Variants in NRXN1 observed in about 807,000 individuals in gnomAD.
NRXN1 encodes the protein neurexin 1.
Under a neutral mutation model 150.9 loss-of-function variants are expected in NRXN1, and 39 were observed. The observed-to-expected ratio is 0.26, with a 90% CI of 0.20 to 0.34. NRXN1 has a LOEUF of 0.34. NRXN1 is among the 10% of genes least tolerant of loss of function. The probability of loss-of-function intolerance (pLI) is 1.00; values close to 1 mark genes in which losing one functional copy is unlikely to be tolerated. For missense variants in NRXN1, 1,815 were observed against 1,949.9 expected (o/e 0.93, Z 1.30); for synonymous variants, 924 against 757.0 (o/e 1.22, Z -3.62).
Position 50,606,572 on chromosome 2 carries a change from G to T in NRXN1, c.1320+13450C>A, listed in dbSNP as rs187791238. On this transcript the variant is annotated intron_variant, in intron 8 of 22. Transcript: ENST00000401669. The stretch of plus-strand genomic sequence containing the variant: ...TACTATATTGCACATTTACATATTT[G>T]CTAAGTGGGTAGATCCTATGTGAGC... Among the ~76,000 whole-genome samples, 10 of 150,294 alleles carry T rather than the reference G, an allele frequency of 6.7e-5. 1 individual carries two copies. The highest frequency in any genetic ancestry group is 4.7e-4 in the Admixed American group (7 of 15,022).
rs2075601218 is a variant in NRXN1 at position 50,316,310 on chromosome 2, G to A, written c.3365-79340C>T. 2.0e-5 allele frequency among the ~76,000 whole-genome samples: 3 copies of A among 151,958 alleles called. No homozygotes were observed. The South Asian group carries it at 6.2e-4, about 31-fold the overall frequency. ...GTCTATCACCTCTCCCTCCACTGAG[G>A]ACTCTACCTGGTGACTTGTATTGGG... On this transcript the variant is annotated intron_variant, in intron 17 of 22. Coordinates refer to ENST00000401669, the MANE Select transcript of NRXN1 (RefSeq NM_001330078.2).
At chr2:50,800,706 C>T (rs555954949) in intron 5 of NRXN1, among the ~76,000 whole-genome samples, 47 of 152,188 alleles carry the variant, frequency 3.1e-4, no homozygotes, top group African/African-American at 1.0e-3. Context: ...TGCACCACCA[C>T]GCCTAGCTAA....
chr2:50,633,133 T>C (rs569571679), intron 5 of NRXN1: 2 of 152,262 alleles, frequency 1.3e-5, no homozygotes, highest in Admixed American at 6.5e-5. Flanking sequence ...TCTTTGTTCA[T>C]ACACTGCTGC....
At chr2:50,762,525 C>T (rs776658110) in intron 5 of NRXN1, among the ~76,000 whole-genome samples, 8 of 151,706 alleles carry the variant, frequency 5.3e-5, no homozygotes, top group African/African-American at 1.2e-4. Flanking sequence ...CTGTGTCTAC[C>T]GTTGTCATCT....
At chr2:50,088,462 C>T (rs1699099849) in intron 19 of NRXN1, among the ~76,000 whole-genome samples, 1 of 152,100 alleles carries the variant, frequency 6.6e-6, no homozygotes, top group South Asian at 2.1e-4. Flanking sequence ...TGAGGGCCGA[C>T]TCTGTGTTTT....
Position 50,521,531 on chromosome 2 carries a change from G to T in NRXN1, c.2374+7094C>A, listed in dbSNP as rs145602097. Among the ~76,000 whole-genome samples the T allele has an allele frequency of 2.0e-3, 311 of 152,134 alleles. 1 individual carries two copies. The highest frequency in any genetic ancestry group is 7.1e-3 in the African/African-American group (296 of 41,508). ...ATCCATCTTGCTTTTTGCTCACATT[G>T]TTAATAAGTAAAAGAAGTGGATAAG... is the stretch of plus-strand genomic sequence containing the variant. On this transcript the variant is annotated intron_variant, in intron 12 of 22. Transcript: ENST00000401669.
chr2:50,494,554 C>G (rs1052690364), intron 15 of NRXN1, among the ~76,000 whole-genome samples: 1 of 152,032 alleles, frequency 6.6e-6, no homozygotes, highest in Non-Finnish European at 1.5e-5. Context: ...TTTGTGGGTA[C>G]AAATAAGATC....
intron 17 of NRXN1, among the ~76,000 whole-genome samples, chr2:50,296,881 C>CTTTTTTTT (rs4032054): frequency 5.3e-5 from 6 of 112,944 alleles, no homozygotes; most frequent in Non-Finnish European, 9.3e-5. Context: ...TTCTTTCTTT[C>CTTTTTTTT]TTTTTTTTTT....
intron 5 of NRXN1, among the ~76,000 whole-genome samples, chr2:50,655,489 G>C (rs1204570024): frequency 6.6e-6 from 1 of 151,954 alleles, no homozygotes; most frequent in Non-Finnish European, 1.5e-5. Flanking sequence ...TGACAAGGTT[G>C]CTGTGCTTGT....
intron 17 of NRXN1, among the ~76,000 whole-genome samples, chr2:50,459,760 G>C (rs1254992104): frequency 6.6e-6 from 1 of 152,074 alleles, no homozygotes; most frequent in Non-Finnish European, 1.5e-5. Context: ...GCAAGGTTCT[G>C]ATAATTCACT....
rs564477746 is a variant in NRXN1 at position 50,487,026 on chromosome 2, CATT to C, written c.3070+8876_3070+8878del. On this transcript the variant is annotated intron_variant, in intron 15 of 22. Transcript: ENST00000401669. ...AATAATTTCTATTTAGTATTACTAT[CATT>C]ATTGTTCTGGTGAGATGCTTAACCT... 1.6e-4 allele frequency among the ~76,000 whole-genome samples: 25 copies of C among 152,266 alleles called. 2 individuals are homozygous for C. In the South Asian group the frequency reaches 5.2e-3, roughly 32 times the overall value.
intron 2 of NRXN1, among the ~76,000 whole-genome samples, chr2:50,970,686 T>C (rs1271198494): frequency 6.6e-6 from 1 of 152,100 alleles, no homozygotes; most frequent in Non-Finnish European, 1.5e-5. Flanking sequence ...TCTTTAAAGT[T>C]CACTACTCTT....
At chr2:50,516,702 C>A (rs1191482134) in intron 12 of NRXN1, among the ~76,000 whole-genome samples, 1 of 152,216 alleles carries the variant, frequency 6.6e-6, no homozygotes, top group South Asian at 2.1e-4. Flanking sequence ...CTCAATTTAG[C>A]CAAGGATATA....
chr2:50,926,613 G>A (rs1280163797), intron 2 of NRXN1, among the ~76,000 whole-genome samples: 2 of 151,864 alleles, frequency 1.3e-5, no homozygotes, highest in African/African-American at 2.4e-5. Flanking sequence ...TGTTAGGTAG[G>A]AAAGTGATCA....
intron 22 of NRXN1, among the ~76,000 whole-genome samples, chr2:49,927,007 C>T (rs1293854895): frequency 6.6e-6 from 1 of 152,172 alleles, no homozygotes; most frequent in African/African-American, 2.4e-5. Flanking sequence ...TCTTCCAGCT[C>T]CTGAATTATC....
rs200781129 is a variant in NRXN1 at position 51,027,658 on chromosome 2, C to A, written c.616G>T (p.Asp206Tyr). Residue 206 changes from aspartate to tyrosine, a missense_variant, in exon 2 of 23, where the codon GAT (aspartate) becomes TAT (tyrosine). Transcript: ENST00000401669. The part of the protein sequence containing the change: ...PVDSGEVKLD[D>Y]EPPNSGGGSP... ...CCCCCGCCGCTGTTGGGCGGCTCAT[C>A]GTCCAGCTTCACCTCGCCGCTGTCC... 3.7e-6 allele frequency: 6 copies of A among 1,601,412 alleles called. No individual in the cohort carries two copies. Among genetic ancestry groups the A allele is most frequent in the South Asian group, 1.1e-5 (1 of 89,106 alleles).
intron 17 of NRXN1, among the ~76,000 whole-genome samples, chr2:50,324,992 G>C (rs2076291692): frequency 6.6e-6 from 1 of 152,164 alleles, no homozygotes; most frequent in African/African-American, 2.4e-5. Flanking sequence ...GGTGGAAAAA[G>C]CCCACCATGG....
chr2:50,163,162 A>ATG (rs896122209), intron 18 of NRXN1, among the ~76,000 whole-genome samples: 8 of 66,534 alleles, frequency 1.2e-4, no homozygotes, highest in Admixed American at 4.1e-4. Flanking sequence ...TCAATCCAAA[A>ATG]TGTATATATA....
At chr2:50,640,869 T>G (rs1212795194) in intron 5 of NRXN1, among the ~76,000 whole-genome samples, 3 of 152,144 alleles carry the variant, frequency 2.0e-5, no homozygotes, top group Non-Finnish European at 4.4e-5. Flanking sequence ...AAACCTTATG[T>G]AACCATTCAA....
Sources: gnomAD v4.1 joint callset for allele counts (sites outside exome capture counted in the v4.1 genomes callset) on GRCh38, gnomAD v4.1.1 for gene constraint, MANE v1.5 for transcripts, NCBI Gene and HGNC (gene_info 2026-07-23, HGNC 2026-07-21) for gene names.